The following PLS1 variants were observed in gnomAD, a reference collection of about 807,000 sequenced individuals.
PLS1 encodes plastin-1.
In PLS1, 32 loss-of-function variants were observed where a neutral mutation model predicts 73.7. The ratio of observed to expected loss-of-function variants is 0.43; its 90% CI spans 0.33 to 0.58. The LOEUF (loss-of-function observed/expected upper bound fraction) is 0.58, where lower values mean the gene tolerates loss of function less well. Among genes scored for constraint, PLS1 ranks in the 20% least tolerant of loss-of-function variants. PLS1 has a pLI of 0.04. For missense variants in PLS1, 633 were observed against 740.5 expected (o/e 0.85, Z 1.68); for synonymous variants, 217 against 261.3 (o/e 0.83, Z 1.63).
intron 1 of PLS1, among the ~76,000 whole-genome samples, chr3:142,649,335 CAA>C (rs3055060): frequency 2.4e-4 from 22 of 93,422 alleles, no homozygotes; most frequent in Non-Finnish European, 2.8e-4. Flanking sequence ...GACCCTATGT[CAA>C]AAAAAAAAAA....
intron 1 of PLS1, among the ~76,000 whole-genome samples, chr3:142,654,192 A>G (rs1335458483): frequency 6.6e-6 from 1 of 152,156 alleles, no homozygotes; most frequent in Non-Finnish European, 1.5e-5. Context: ...GAGGGGATGT[A>G]GGTAAGCCCT....
At chr3:142,678,978 G>A (rs2037786140) in intron 6 of PLS1, among the ~76,000 whole-genome samples, 3 of 151,998 alleles carry the variant, frequency 2.0e-5, no homozygotes, top group African/African-American at 4.8e-5. Context: ...ACTGGTGTAA[G>A]ATGGTATCTC....
At chr3:142,683,262 T>C (rs2037892460) in intron 6 of PLS1, among the ~76,000 whole-genome samples, 1 of 152,166 alleles carries the variant, frequency 6.6e-6, no homozygotes, top group Non-Finnish European at 1.5e-5. Context: ...CCCAGCACTT[T>C]GGGAGGCCGA....
intron 1 of PLS1, among the ~76,000 whole-genome samples, chr3:142,647,508 T>TC (rs1409960058): frequency 2.0e-5 from 3 of 150,824 alleles, no homozygotes; most frequent in African/African-American, 4.9e-5. Flanking sequence ...CTTTTCTTTT[T>TC]TTTTTTTTTC....
intron 4 of PLS1, among the ~76,000 whole-genome samples, chr3:142,672,339 C>CTTTT (rs58039666): frequency 6.8e-5 from 8 of 118,394 alleles, no homozygotes; most frequent in South Asian, 2.7e-4. Flanking sequence ...ATGAAGTGTA[C>CTTTT]TTTTTTTTTT....
At chr3:142,645,454 G>T (rs1233723556) in intron 1 of PLS1, 1 of 152,220 alleles carries the variant, frequency 6.6e-6, no homozygotes. Flanking sequence ...TTGGAAGCAC[G>T]CTGGGTAGGA....
chr3:142,708,129 G>A (rs1248223484), intron 14 of PLS1, among the ~76,000 whole-genome samples: 3 of 152,162 alleles, frequency 2.0e-5, no homozygotes, highest in African/African-American at 4.8e-5. Flanking sequence ...GGCTTACCAC[G>A]CTGTTGGCAT....
intron 1 of PLS1, among the ~76,000 whole-genome samples, chr3:142,659,906 CTTTCATCAAT>C (rs1224613673): frequency 6.6e-6 from 1 of 152,126 alleles, no homozygotes; most frequent in Admixed American, 6.5e-5. Context: ...GTGGAACCTT[CTTTCATCAAT>C]TAAAGCCTCT....
chr3:142,692,634 T>C (rs1241746462), intron 10 of PLS1, among the ~76,000 whole-genome samples: 2 of 152,098 alleles, frequency 1.3e-5, no homozygotes, highest in African/African-American at 4.8e-5. Context: ...GGAAGAAATA[T>C]GAACCCCCGA....
intron 12 of PLS1, 54 bp from the exon 13 acceptor site, chr3:142,703,814 C>T: frequency 7.9e-7 from 1 of 1,262,694 alleles, no homozygotes; most frequent in South Asian, 1.3e-5. Context: ...CTGGCCTATT[C>T]TGGAGATATG....
rs75475996 is a variant in PLS1 at position 142,607,670 on chromosome 3, T to A, written c.-37+11161T>A. On this transcript the variant is annotated intron_variant, in intron 1 of 15. Transcript: ENST00000457734. ...TTATTAACTAAAGTCCTTAGCTTAT[T>A]CATATTTCCTTTGTTTTTAGCCAAA... 3.7e-3 allele frequency among the ~76,000 whole-genome samples: 557 copies of A among 152,356 alleles called. 1 individual carries two copies. Among genetic ancestry groups the A allele is most frequent in the Admixed American group, 6.2e-3 (95 of 15,302 alleles).
intron 12 of PLS1, among the ~76,000 whole-genome samples, chr3:142,702,829 T>G (rs1320406877): frequency 1.3e-5 from 2 of 152,216 alleles, no homozygotes; most frequent in East Asian, 3.8e-4. Context: ...ATGTATCAGA[T>G]TCTTACTTTA....
chr3:142,625,760 G>A (rs1378757218), intron 1 of PLS1, among the ~76,000 whole-genome samples: 1 of 152,086 alleles, frequency 6.6e-6, no homozygotes, highest in Non-Finnish European at 1.5e-5. Flanking sequence ...GATTGCTTGA[G>A]CCCAGGAGTT....
rs1170933037 is a variant in PLS1, at chr3:142,600,916, A to ATTTTTTT, written c.-37+4426_-37+4432dup. On this transcript the variant is annotated intron_variant, in intron 1 of 15. Coordinates refer to ENST00000457734, the MANE Select transcript of PLS1 (RefSeq NM_001145319.2). Reference sequence around the variant, plus strand: ...TATATATATATATATATATATATATATTTTTTTTTTTTTTTTTTTTTTTTT... The same window carrying ATTTTTTT: ...TATATATATATATATATATATATATATTTTTTTTTTTTTTTTTTTTTTTTTTTTTTTT... Among the ~76,000 whole-genome samples, 112 of 14,836 alleles carry ATTTTTTT rather than the reference A, an allele frequency of 7.5e-3. 25 individuals carry two copies. Among genetic ancestry groups the ATTTTTTT allele is most frequent in the Non-Finnish European group, 9.6e-3 (86 of 8,992 alleles). The allele number at this position is 14,836 out of a possible 152,430, so 9.7% of individuals were successfully genotyped here.
intron 6 of PLS1, among the ~76,000 whole-genome samples, chr3:142,680,116 G>T: frequency 6.6e-6 from 1 of 152,220 alleles, no homozygotes. Context: ...TGAGGGTCTT[G>T]CTATGCCACC....
chr3:142,613,354 C>A (rs932792239), intron 1 of PLS1, among the ~76,000 whole-genome samples: 1 of 151,996 alleles, frequency 6.6e-6, no homozygotes, highest in Non-Finnish European at 1.5e-5. Flanking sequence ...GTGGCTCAAG[C>A]CTGTAACCCC....
intron 1 of PLS1, among the ~76,000 whole-genome samples, chr3:142,654,603 C>T (rs1340137831): frequency 6.6e-6 from 1 of 152,198 alleles, no homozygotes; most frequent in Admixed American, 6.5e-5. Flanking sequence ...ATCCTCTGGC[C>T]TTGGCCTCCC....
chr3:142,682,202 A>G (rs942738259), intron 6 of PLS1, among the ~76,000 whole-genome samples: 2 of 152,132 alleles, frequency 1.3e-5, no homozygotes, highest in African/African-American at 4.8e-5. Context: ...GGCAATAGCA[A>G]GGGGAGGATT....
intron 6 of PLS1, among the ~76,000 whole-genome samples, chr3:142,683,026 C>G (rs1013666372): frequency 6.6e-6 from 1 of 152,146 alleles, no homozygotes; most frequent in Non-Finnish European, 1.5e-5. Flanking sequence ...GACGATCCCC[C>G]AAAGATACAG....
Sources: gnomAD v4.1 joint callset for allele counts (sites outside exome capture counted in the v4.1 genomes callset) on GRCh38, gnomAD v4.1.1 for gene constraint, MANE v1.5 for transcripts, NCBI Gene and HGNC (gene_info 2026-07-23, HGNC 2026-07-21) for gene names.